PPARGC1A: variants seen among roughly 807,000 people sequenced by gnomAD.
The protein encoded by PPARGC1A is peroxisome proliferator-activated receptor gamma coactivator 1-alpha.
A neutral mutation model predicts 88.7 loss-of-function variants in PPARGC1A; 25 were observed. The observed-to-expected ratio is 0.28, with a 90% confidence interval of 0.21 to 0.39. The LOEUF is 0.39. Ranked by LOEUF, PPARGC1A falls within the 10% of genes least tolerant of loss-of-function variation. The probability of loss-of-function intolerance (pLI) is 1.00; values close to 1 mark genes in which losing one functional copy is unlikely to be tolerated. For missense variants in PPARGC1A, 880 were observed against 968.7 expected, an observed-to-expected ratio of 0.91 and a Z score of 1.22; for synonymous variants, 363 against 355.6, an observed-to-expected ratio of 1.02 and a Z score of -0.24.
intron 1 of PPARGC1A, among the ~76,000 whole-genome samples, chr4:23,895,303 A>AAT (rs1356630517): frequency 6.6e-6 from 1 of 151,614 alleles, no homozygotes; most frequent in South Asian, 2.1e-4. Context: ...GGTAACAATA[A>AAT]ATATATATAT....
At chr4:23,989,572 T>C in the PPARGC1A span, among the ~76,000 whole-genome samples, 1 of 152,064 alleles carries the variant, frequency 6.6e-6, no homozygotes, top group African/African-American at 2.4e-5. Flanking sequence ...AAGAATGGCA[T>C]AGCTTTGCTA....
At chr4:24,457,197 T>C in the PPARGC1A span, among the ~76,000 whole-genome samples, 1 of 152,052 alleles carries the variant, frequency 6.6e-6, no homozygotes, top group African/African-American at 2.4e-5. Flanking sequence ...GACAAATGAA[T>C]AGTCACTCCC....
chr4:24,285,467 A>T, the PPARGC1A span, among the ~76,000 whole-genome samples: 4 of 152,186 alleles, frequency 2.6e-5, no homozygotes, highest in African/African-American at 9.7e-5. Flanking sequence ...GATTCTGCCA[A>T]ACAGAAGTGA....
the PPARGC1A span, among the ~76,000 whole-genome samples, chr4:24,264,069 T>C: frequency 6.6e-6 from 1 of 152,146 alleles, no homozygotes; most frequent in Admixed American, 6.5e-5. Context: ...TTTCTTAACA[T>C]TTTCTTGTCT....
intron 2 of PPARGC1A, among the ~76,000 whole-genome samples, chr4:23,865,182 C>G (rs1292455010): frequency 6.6e-6 from 1 of 152,106 alleles, no homozygotes; most frequent in Non-Finnish European, 1.5e-5. Context: ...GAGACTGCCT[C>G]CAAAAGAAAA....
At chr4:24,333,392 A>T in the PPARGC1A span, among the ~76,000 whole-genome samples, 1 of 152,242 alleles carries the variant, frequency 6.6e-6, no homozygotes, top group Non-Finnish European at 1.5e-5. Flanking sequence ...TTCATGATTC[A>T]TTCACAAATG....
chr4:23,845,726 G>A (rs199566704), intron 2 of PPARGC1A, among the ~76,000 whole-genome samples: 12 of 152,114 alleles, frequency 7.9e-5, no homozygotes, highest in African/African-American at 2.4e-4. Flanking sequence ...ACAGAGCAAC[G>A]GGTTGTCAAT....
the PPARGC1A span, among the ~76,000 whole-genome samples, chr4:24,297,165 AT>A: frequency 6.6e-6 from 1 of 152,190 alleles, no homozygotes; most frequent in East Asian, 1.9e-4. Flanking sequence ...AAGGCTTCTA[AT>A]AATGAATATC....
the PPARGC1A span, among the ~76,000 whole-genome samples, chr4:23,926,455 G>A: frequency 3.9e-3 from 588 of 152,130 alleles, 4 homozygotes; most frequent in African/African-American, 0.013. Context: ...TCAAGCCAGC[G>A]ATCTTTCTAA....
chr4:24,331,772 T>TATAC, the PPARGC1A span, among the ~76,000 whole-genome samples: 22,403 of 150,314 alleles, frequency 0.15, 1,928 homozygotes, highest in Middle Eastern at 0.24. Context: ...TTATTTTATA[T>TATAC]ATATATATAT....
the PPARGC1A span, among the ~76,000 whole-genome samples, chr4:24,027,229 G>GTGTGTGTC: frequency 1.5e-4 from 21 of 143,270 alleles, no homozygotes; most frequent in Non-Finnish European, 1.7e-4. Context: ...CTGTGTGTCT[G>GTGTGTGTC]TGTGTGTCTG....
chr4:24,406,976 C>A, the PPARGC1A span, among the ~76,000 whole-genome samples: 142 of 152,304 alleles, frequency 9.3e-4, no homozygotes, highest in Middle Eastern at 6.8e-3. Context: ...CAGGCAGGAA[C>A]CTTTCTCTGT....
chr4:23,988,844 A>C, the PPARGC1A span, among the ~76,000 whole-genome samples: 1 of 147,942 alleles, frequency 6.8e-6, no homozygotes, highest in African/African-American at 2.5e-5. Context: ...ATTATATATT[A>C]CTATGTATTT....
At chr4:24,386,537 A>T in the PPARGC1A span, among the ~76,000 whole-genome samples, 4 of 152,238 alleles carry the variant, frequency 2.6e-5, no homozygotes, top group Admixed American at 2.6e-4. Context: ...AAGCAACTTC[A>T]GCAAATTCTC....
the PPARGC1A span, among the ~76,000 whole-genome samples, chr4:24,117,601 G>A: frequency 6.6e-6 from 1 of 150,996 alleles, no homozygotes; most frequent in Admixed American, 6.6e-5. Context: ...ACTTTCAACA[G>A]CACCAGGCAC....
At chr4:24,078,805 T>A in the PPARGC1A span, among the ~76,000 whole-genome samples, 1 of 152,262 alleles carries the variant, frequency 6.6e-6, no homozygotes, top group South Asian at 2.1e-4. Flanking sequence ...CCCGATGCCA[T>A]CTCCTCTTTC....
the PPARGC1A span, among the ~76,000 whole-genome samples, chr4:24,091,812 C>A: frequency 6.6e-6 from 1 of 152,036 alleles, no homozygotes; most frequent in Non-Finnish European, 1.5e-5. Context: ...GGCCGGTGGA[C>A]AATGGGTCAT....
the PPARGC1A span, among the ~76,000 whole-genome samples, chr4:23,911,170 T>A: frequency 6.6e-6 from 1 of 152,002 alleles, no homozygotes; most frequent in Non-Finnish European, 1.5e-5. Context: ...CTGCCTAGAA[T>A]AAAGTGGAGA....
the PPARGC1A span, among the ~76,000 whole-genome samples, chr4:24,059,259 C>T: frequency 6.6e-6 from 1 of 152,160 alleles, no homozygotes; most frequent in African/African-American, 2.4e-5. Context: ...TCAAGGAGAA[C>T]AGCATCTGGC....
Sources: gnomAD v4.1 joint callset for allele counts (sites outside exome capture counted in the v4.1 genomes callset) on GRCh38, gnomAD v4.1.1 for gene constraint, MANE v1.5 for transcripts, NCBI Gene and HGNC (gene_info 2026-07-23, HGNC 2026-07-21) for gene names.